The following LRRC4C variants were observed in gnomAD, a reference collection of about 807,000 sequenced individuals.
LRRC4C encodes leucine-rich repeat-containing protein 4C.
A neutral mutation model predicts 33.6 loss-of-function variants in LRRC4C; 5 were observed. The ratio of observed to expected loss-of-function variants is 0.15; its 90% CI spans 0.08 to 0.31. LRRC4C has a LOEUF of 0.31. Among genes scored for constraint, LRRC4C ranks in the 10% least tolerant of loss-of-function variants. LRRC4C has a pLI of 1.00. For synonymous variants in LRRC4C, 329 were observed against 302.0 expected, an observed-to-expected ratio of 1.09 and a Z score of -0.93; for missense variants, 560 against 796.7, an observed-to-expected ratio of 0.70 and a Z score of 3.58.
At chr11:40,446,283 T>C (rs1951632597) in intron 3 of LRRC4C, 1 of 152,190 alleles carries the variant, frequency 6.6e-6, no homozygotes, top group African/African-American at 2.4e-5. Flanking sequence ...CACAGTTAAA[T>C]TACAGGCATC....
rs569196545 is a variant in LRRC4C, at chr11:40,716,347, AAAT to A, written c.-406-68072_-406-68070del. On this transcript the variant is annotated intron_variant, in intron 2 of 6. Transcript: ENST00000528697. ...TCTTTTATATCTACTTGGTGTTAAA[AAAT>A]AATAAATATTTTTTAAAAATCTTAT... is the stretch of plus-strand genomic sequence containing the variant. Among the ~76,000 whole-genome samples, 19 of 152,256 alleles carry A rather than the reference AAAT, an allele frequency of 1.2e-4. No individual in the cohort carries two copies. The South Asian group carries it at 3.7e-3, about 30-fold the overall frequency.
chr11:41,039,971 A>C (rs146998339), intron 1 of LRRC4C, among the ~76,000 whole-genome samples: 1 of 151,820 alleles, frequency 6.6e-6, no homozygotes. Flanking sequence ...TGCCGTCTCT[A>C]CTAAAAATAC....
chr11:41,292,300 G>C (rs1950014873), intron 1 of LRRC4C, among the ~76,000 whole-genome samples: 1 of 152,058 alleles, frequency 6.6e-6, no homozygotes, highest in Non-Finnish European at 1.5e-5. Context: ...TCCTGGACAA[G>C]TTATTTTCTC....
At chr11:40,565,442 GA>G (rs1957717881) in intron 3 of LRRC4C, among the ~76,000 whole-genome samples, 1 of 152,218 alleles carries the variant, frequency 6.6e-6, no homozygotes, top group Non-Finnish European at 1.5e-5. Context: ...CTCAGTGACT[GA>G]CCTTGAAGAA....
intron 3 of LRRC4C, among the ~76,000 whole-genome samples, chr11:40,503,617 C>T (rs919192943): frequency 1.3e-5 from 2 of 152,206 alleles, no homozygotes; most frequent in African/African-American, 4.8e-5. Context: ...ACAATTCTTG[C>T]ATGACACAGG....
intron 3 of LRRC4C, among the ~76,000 whole-genome samples, chr11:40,364,228 G>A (rs1230151597): frequency 6.6e-6 from 1 of 151,910 alleles, no homozygotes; most frequent in Admixed American, 6.6e-5. Context: ...AGAAACTGAA[G>A]AAATCTAAAA....
At chr11:40,603,700 G>A (rs546780371) in intron 3 of LRRC4C, among the ~76,000 whole-genome samples, 4 of 152,094 alleles carry the variant, frequency 2.6e-5, no homozygotes, top group Non-Finnish European at 5.9e-5. Context: ...ACTTTGCAAC[G>A]CAGAGGAGAC....
chr11:40,965,699 G>C (rs886622427), intron 1 of LRRC4C, among the ~76,000 whole-genome samples: 31 of 152,038 alleles, frequency 2.0e-4, no homozygotes, highest in African/African-American at 7.5e-4. Flanking sequence ...CATTATTTAT[G>C]AGGGTTCTGT....
chr11:40,907,522 T>C (rs1462007997), intron 2 of LRRC4C, among the ~76,000 whole-genome samples: 2 of 152,200 alleles, frequency 1.3e-5, no homozygotes, highest in Non-Finnish European at 2.9e-5. Flanking sequence ...AAGTTGCATA[T>C]CCTCACATTT....
At chr11:40,825,680 C>T (rs900573785) in intron 2 of LRRC4C, among the ~76,000 whole-genome samples, 1 of 151,772 alleles carries the variant, frequency 6.6e-6, no homozygotes, top group Admixed American at 6.6e-5. Context: ...TCATTTCCTT[C>T]AGAGAATAGT....
intron 1 of LRRC4C, among the ~76,000 whole-genome samples, chr11:41,189,382 G>A (rs1042882161): frequency 3.3e-5 from 5 of 152,074 alleles, no homozygotes; most frequent in African/African-American, 1.2e-4. Flanking sequence ...GATAGACCTT[G>A]CGGATTATGT....
chr11:40,226,770 ATTAT>A (rs1864829827), intron 5 of LRRC4C, among the ~76,000 whole-genome samples: 1 of 152,166 alleles, frequency 6.6e-6, no homozygotes, highest in African/African-American at 2.4e-5. Context: ...GACAGCTTAA[ATTAT>A]CTTCTAGGAT....
At chr11:40,577,006 T>C (rs72886957) in intron 3 of LRRC4C, among the ~76,000 whole-genome samples, 1,633 of 152,300 alleles carry the variant, frequency 0.011, 24 homozygotes, top group African/African-American at 0.026. Context: ...AACTTCAATG[T>C]CAGATTAGAC....
chr11:40,477,033 T>C (rs2138359522), intron 3 of LRRC4C, among the ~76,000 whole-genome samples: 1 of 152,288 alleles, frequency 6.6e-6, no homozygotes, highest in Non-Finnish European at 1.5e-5. Flanking sequence ...TAATTCAGTT[T>C]AGTTAGGTCT....
chr11:41,274,651 G>A (rs915264996), intron 1 of LRRC4C, among the ~76,000 whole-genome samples: 1 of 152,056 alleles, frequency 6.6e-6, no homozygotes, highest in African/African-American at 2.4e-5. Flanking sequence ...GACAAATACG[G>A]GAATAAAAGC....
rs146085598 is a variant in LRRC4C at position 40,340,525 on chromosome 11, T to C, written c.-269-20804A>G. Among the ~76,000 whole-genome samples, 26 of 152,270 alleles carry C rather than the reference T, an allele frequency of 1.7e-4. 1 individual carries two copies. Among genetic ancestry groups the C allele is most frequent in the African/African-American group, 4.1e-4 (17 of 41,566 alleles). On this transcript the variant is annotated intron_variant, in intron 3 of 6. Coordinates refer to ENST00000528697, the MANE Select transcript of LRRC4C (RefSeq NM_001258419.2). ...ACATTTGGAATATAATATTAATATG[T>C]ATAAGTATAAAATACAATAAATGTG...
chr11:41,388,904 G>A (rs1953468984), intron 1 of LRRC4C, among the ~76,000 whole-genome samples: 1 of 151,682 alleles, frequency 6.6e-6, no homozygotes, highest in Admixed American at 6.6e-5. Flanking sequence ...AATTTAACAA[G>A]AAATTTTGAT....
At chr11:40,830,828 TA>T (rs1204825245) in intron 2 of LRRC4C, among the ~76,000 whole-genome samples, 1 of 152,134 alleles carries the variant, frequency 6.6e-6, no homozygotes, top group African/African-American at 2.4e-5. Context: ...TTTCTTTCCC[TA>T]ACACTGTCAG....
At chr11:40,660,837 C>G (rs139621245) in intron 2 of LRRC4C, among the ~76,000 whole-genome samples, 2 of 152,038 alleles carry the variant, frequency 1.3e-5, no homozygotes, top group Non-Finnish European at 2.9e-5. Context: ...TAATTTATAA[C>G]GAAAGCTAAA....
Sources: gnomAD v4.1 joint callset for allele counts (sites outside exome capture counted in the v4.1 genomes callset) on GRCh38, gnomAD v4.1.1 for gene constraint, MANE v1.5 for transcripts, NCBI Gene and HGNC (gene_info 2026-07-23, HGNC 2026-07-21) for gene names.